Variants in CEP89 observed in about 807,000 individuals in gnomAD.
CEP89 encodes centrosomal protein 89.
CEP89 carries 95 observed loss-of-function variants against 97.6 expected under a neutral mutation model. The observed-to-expected ratio is 0.97, with a 90% CI of 0.82 to 1.15. CEP89 has a LOEUF of 1.15. Ranked by LOEUF, CEP89 falls within the 50% of genes most tolerant of loss-of-function variation. CEP89 has a pLI of 0.00. For synonymous variants in CEP89, 354 were observed against 349.1 expected, an observed-to-expected ratio of 1.01 and a Z score of -0.16; for missense variants, 869 against 947.7, an observed-to-expected ratio of 0.92 and a Z score of 1.09.
chr19:32,923,060 G>A (rs560955093), intron 12 of CEP89, among the ~76,000 whole-genome samples: 19 of 152,216 alleles, frequency 1.2e-4, no homozygotes, highest in South Asian at 1.0e-3. Context: ...CAAGCCTCAT[G>A]AGCTTTCTGT....
At position 32,878,845 on chromosome 19, in the gene CEP89, G is replaced by T; in HGVS notation, c.*317C>A. The T allele has an allele frequency of 4.1e-6, 1 of 242,270 alleles. No homozygotes were observed. The highest frequency in any genetic ancestry group is 7.9e-6 in the Non-Finnish European group (1 of 126,752). 15.0% of individuals were successfully genotyped at this position (242,270 alleles called of 1,614,324 possible). On this transcript the variant is annotated 3_prime_UTR_variant, in exon 19 of 19. Coordinates refer to ENST00000305768, the MANE Select transcript of CEP89 (RefSeq NM_032816.5). ...TAGCTGGGCCTGACAGTGCACACCT[G>T]AGGTCCCAGCTACTCAGGAGGCTGA...
At chr19:32,935,037 A>G (rs1970551668) in intron 7 of CEP89, among the ~76,000 whole-genome samples, 1 of 152,264 alleles carries the variant, frequency 6.6e-6, no homozygotes, top group African/African-American at 2.4e-5. Context: ...CAGAGTGGGA[A>G]TAGCAAGGGG....
At chr19:32,885,930 C>T (rs1969385382) in intron 17 of CEP89, among the ~76,000 whole-genome samples, 1 of 152,190 alleles carries the variant, frequency 6.6e-6, no homozygotes, top group South Asian at 2.1e-4. Context: ...GCTGTTATGA[C>T]ATCTGTCTCC....
chr19:32,928,419 T>C (rs1970406200), intron 9 of CEP89, among the ~76,000 whole-genome samples: 1 of 152,034 alleles, frequency 6.6e-6, no homozygotes, highest in Non-Finnish European at 1.5e-5. Context: ...TGCTTGTGGA[T>C]CACCTTCATG....
intron 14 of CEP89, among the ~76,000 whole-genome samples, chr19:32,914,633 A>G (rs73051148): frequency 0.21 from 31,546 of 152,026 alleles, 3,383 homozygotes; most frequent in African/African-American, 0.23. Flanking sequence ...ACAGTATGAA[A>G]AAAAAATCAC....
At chr19:32,923,634 G>T in intron 11 of CEP89, 92 bp from the exon 12 acceptor site, 1 of 818,044 alleles carries the variant, frequency 1.2e-6, no homozygotes. Context: ...AAAATCAAAT[G>T]GTAACAGCCA....
At chr19:32,935,011 T>A (rs1970551042) in intron 7 of CEP89, among the ~76,000 whole-genome samples, 1 of 152,216 alleles carries the variant, frequency 6.6e-6, no homozygotes, top group Admixed American at 6.5e-5. Context: ...GCTGATGAGC[T>A]GTTGAGTTAG....
intron 16 of CEP89, among the ~76,000 whole-genome samples, chr19:32,892,857 T>A (rs1258915992): frequency 6.6e-6 from 1 of 151,946 alleles, no homozygotes; most frequent in East Asian, 1.9e-4. Flanking sequence ...AAGGACGATA[T>A]CTACTATCAT....
At chr19:32,892,753 T>G (rs1292879853) in intron 16 of CEP89, among the ~76,000 whole-genome samples, 1 of 141,504 alleles carries the variant, frequency 7.1e-6, no homozygotes, top group Non-Finnish European at 1.5e-5. Flanking sequence ...AATGAAGGAG[T>G]AAAGACTTAC....
At chr19:32,937,404 G>T in intron 7 of CEP89, 1 of 500,776 alleles carries the variant, frequency 2.0e-6, no homozygotes, top group Non-Finnish European at 3.6e-6. Context: ...ATATCCCACA[G>T]GTCCACGTCC....
Position 32,915,490 on chromosome 19 carries a change from A to C in CEP89, c.1412T>G (p.Leu471Arg), listed in dbSNP as rs1433042954. 3 of 1,611,608 alleles carry C rather than the reference A, an allele frequency of 1.9e-6. No homozygotes were observed. Among genetic ancestry groups the C allele is most frequent in the African/African-American group, 2.7e-5 (2 of 74,702 alleles). The stretch of plus-strand genomic sequence containing the variant: ...CTGGCCGTGGGTTTTTGCCTCCAGG[A>C]GCATTAGTTGTTTAGTCAGCTTAGA... ...EVSKLTKQLM[L>R]LEAKTHGQEK... The change falls in exon 14 of 19, where the codon CTC (leucine) becomes CGC (arginine). Residue 471 changes from leucine (L) to arginine (R), a missense_variant. Leu to Arg is a moderately radical substitution (Grantham distance 102). Transcript: ENST00000305768.
Position 32,904,081 on chromosome 19 carries a change from G to T in CEP89, c.1566-2669C>A, listed in dbSNP as rs577249010. ...AGGCTGAGGCAGGAGGATCACTTGA[G>T]CCCAGGAGGTCAAGGCTGGAGCAAG... On this transcript the variant is annotated intron_variant, in intron 14 of 18. Coordinates refer to ENST00000305768, the MANE Select transcript of CEP89 (RefSeq NM_032816.5). 3.7e-4 allele frequency among the ~76,000 whole-genome samples: 56 copies of T among 152,272 alleles called. No individual in the cohort carries two copies. The South Asian group carries it at 8.7e-3, about 24-fold the overall frequency.
chr19:32,946,341 T>C (rs1421451086), intron 5 of CEP89, among the ~76,000 whole-genome samples: 1 of 152,184 alleles, frequency 6.6e-6, no homozygotes, highest in African/African-American at 2.4e-5. Flanking sequence ...TTCTGACTCC[T>C]GATTGGACCT....
rs550619159 is a variant in CEP89 at position 32,970,069 on chromosome 19, C to T, written c.39+1767G>A. The T allele has an allele frequency of 2.6e-5, 4 of 152,440 alleles. No homozygotes were observed. The East Asian group carries it at 5.8e-4, about 22-fold the overall frequency. The allele number at this position is 152,440 out of a possible 1,614,324, so 9.4% of individuals were successfully genotyped here. On this transcript the variant is annotated intron_variant, in intron 1 of 18. Transcript: ENST00000305768. ...CTTCCTGCGCAGAGTCCCTGTGCTT[C>T]AGCACTCAGCGTGGGCTTCCATTTC...
At position 32,900,007 on chromosome 19, in the gene CEP89, T is replaced by C. The variant is rs923515252; in HGVS notation, c.1734-9A>G. 1.2e-6 allele frequency: 2 copies of C among 1,613,814 alleles called. No homozygotes were observed. Among genetic ancestry groups the C allele is most frequent in the Non-Finnish European group, 1.7e-6 (2 of 1,179,814 alleles). On this transcript the variant is annotated splice_polypyrimidine_tract_variant and intron_variant, in intron 15 of 18. Transcript: ENST00000305768. ...TTTTCTTTTGAGATTTCCTAGAGAG[T>C]TACCCCAAATGGTAGAATAAAAAGC...
At position 32,879,307 on chromosome 19, in the gene CEP89, A is replaced by G. The variant is rs1323078122; in HGVS notation, c.2207T>C (p.Leu736Pro). ...FRENRRIREL[L>P]QDTLTRTGVQ... ...GCCTGTCCTCGTGAGTGTGTCCTGG[A>G]GAAGTTCTCGGATTCTTCGGTTTTC... The change falls in exon 19 of 19, where the codon CTC becomes CCC. Residue 736 changes from leucine (L) to proline (P), a missense_variant. Transcript: ENST00000305768. The G allele has an allele frequency of 1.9e-6, 3 of 1,614,144 alleles. No homozygotes were observed. Among genetic ancestry groups the G allele is most frequent in the African/African-American group, 1.3e-5 (1 of 74,950 alleles).
At chr19:32,927,229 T>C (rs557131438) in intron 9 of CEP89, among the ~76,000 whole-genome samples, 1 of 152,274 alleles carries the variant, frequency 6.6e-6, no homozygotes, top group South Asian at 2.1e-4. Flanking sequence ...TCTATATGTA[T>C]ATATGTATAT....
intron 3 of CEP89, among the ~76,000 whole-genome samples, chr19:32,954,372 G>GTT (rs34557901): frequency 3.7e-4 from 55 of 147,032 alleles, no homozygotes; most frequent in Middle Eastern, 3.5e-3. Context: ...TTGTTTTTTT[G>GTT]TTTTTTTTTT....
chr19:32,884,797 A>C (rs771865216), intron 17 of CEP89, among the ~76,000 whole-genome samples: 2 of 152,046 alleles, frequency 1.3e-5, no homozygotes, highest in African/African-American at 2.4e-5. Context: ...TCCTGGTCTC[A>C]AGCGATCCTA....
Sources: allele counts gnomAD v4.1 joint callset (sites outside exome capture counted in the v4.1 genomes callset), GRCh38; gene constraint gnomAD v4.1.1; transcripts MANE v1.5; gene names NCBI Gene and HGNC (gene_info 2026-07-23, HGNC 2026-07-21).